Variants in GAD2 observed in about 807,000 individuals in gnomAD.
GAD2 encodes the protein 65 kDa glutamic acid decarboxylase.
In GAD2, 22 loss-of-function variants were observed where a neutral mutation model predicts 80.1. The observed-to-expected ratio is 0.27, with a 90% CI of 0.20 to 0.39. The LOEUF is 0.39. GAD2 is among the 10% of genes least tolerant of loss of function. The probability of loss-of-function intolerance (pLI) is 1.00; values close to 1 mark genes in which losing one functional copy is unlikely to be tolerated. For synonymous variants in GAD2, 274 were observed against 256.9 expected, an observed-to-expected ratio of 1.07 and a Z score of -0.64; for missense variants, 624 against 738.4, an observed-to-expected ratio of 0.85 and a Z score of 1.80.
At chr10:26,267,072 A>G (rs1215612792) in intron 8 of GAD2, among the ~76,000 whole-genome samples, 1 of 152,208 alleles carries the variant, frequency 6.6e-6, no homozygotes, top group African/African-American at 2.4e-5. Flanking sequence ...GTGCCATCTT[A>G]CTGCCTTATA....
rs577819111 is a variant in GAD2 at position 26,288,227 on chromosome 10, A to G, written c.1386+1733A>G. ...AAAGATGGTCTTGCTTAAAGAAGAA[A>G]TAACTCTTTAGTGGTTTCCAAGGAT... On this transcript the variant is annotated intron_variant, in intron 13 of 15. Transcript: ENST00000376261. Among the ~76,000 whole-genome samples, 24 of 152,346 alleles carry G rather than the reference A, an allele frequency of 1.6e-4. No homozygotes were observed. The South Asian group carries it at 5.0e-3, about 32-fold the overall frequency.
intron 8 of GAD2, among the ~76,000 whole-genome samples, chr10:26,251,697 TG>T: frequency 6.6e-6 from 1 of 152,382 alleles, no homozygotes. Flanking sequence ...TTTAAGGAAA[TG>T]GATGCATCAG....
At chr10:26,227,378 G>A (rs557351484) in intron 6 of GAD2, among the ~76,000 whole-genome samples, 1 of 152,378 alleles carries the variant, frequency 6.6e-6, no homozygotes, top group African/African-American at 2.4e-5. Flanking sequence ...AGGCCCAGAA[G>A]CCTCTTTCTC....
chr10:26,229,797 G>T lies in GAD2; in HGVS notation c.840+20G>T, dbSNP rs1190520491. ...GAACATGTATGTGTTTCTTTTCCTT[G>T]CAAGTTTAAGGTTATGTTCCATAAA... On this transcript the variant is annotated intron_variant, in intron 7 of 15. Coordinates refer to ENST00000376261, the MANE Select transcript of GAD2 (RefSeq NM_001134366.2). 1 of 1,562,726 alleles carries T rather than the reference G, an allele frequency of 6.4e-7. No homozygotes were observed. The highest frequency in any genetic ancestry group is 1.1e-5 in the South Asian group (1 of 89,370).
At chr10:26,245,540 C>T (rs1439217795) in intron 7 of GAD2, among the ~76,000 whole-genome samples, 1 of 151,722 alleles carries the variant, frequency 6.6e-6, no homozygotes, top group Non-Finnish European at 1.5e-5. Flanking sequence ...CGAATTCAAG[C>T]GATTCTCCTG....
chr10:26,245,837 A>C (rs1844802204), intron 7 of GAD2, 84 bp from the exon 8 acceptor site: 1 of 1,094,154 alleles, frequency 9.1e-7, no homozygotes, highest in South Asian at 1.4e-5. Flanking sequence ...GAAAGGAAAA[A>C]AGGAAAACAG....
chr10:26,262,762 C>A (rs561030567), intron 8 of GAD2, among the ~76,000 whole-genome samples: 1 of 151,790 alleles, frequency 6.6e-6, no homozygotes, highest in South Asian at 2.1e-4. Context: ...TAACTGCCAT[C>A]TTGATTTCCT....
At chr10:26,227,212 T>G (rs1439500953) in intron 6 of GAD2, among the ~76,000 whole-genome samples, 4 of 152,172 alleles carry the variant, frequency 2.6e-5, no homozygotes, top group Non-Finnish European at 5.9e-5. Context: ...AGGCTGGTCT[T>G]GAATTCCTGA....
intron 7 of GAD2, among the ~76,000 whole-genome samples, chr10:26,232,313 C>G (rs1444876743): frequency 6.6e-6 from 1 of 152,112 alleles, no homozygotes; most frequent in Non-Finnish European, 1.5e-5. Flanking sequence ...GCAAGCCACT[C>G]TGTGCTCTCT....
intron 15 of GAD2, among the ~76,000 whole-genome samples, chr10:26,299,753 A>G (rs537746226): frequency 3.9e-5 from 6 of 152,370 alleles, no homozygotes; most frequent in African/African-American, 1.4e-4. Context: ...TCTATGGGGA[A>G]GGATCATGGA....
At chr10:26,285,642 T>A (rs1346264980) in intron 12 of GAD2, among the ~76,000 whole-genome samples, 10 of 152,254 alleles carry the variant, frequency 6.6e-5, no homozygotes, top group Admixed American at 6.5e-4. Context: ...GATGAAACTT[T>A]CCACTTATCT....
chr10:26,258,999 G>T (rs112439082), intron 8 of GAD2, among the ~76,000 whole-genome samples: 7 of 152,138 alleles, frequency 4.6e-5, no homozygotes, highest in South Asian at 2.1e-4. Flanking sequence ...TGTATTTTTA[G>T]TAGAGACAGG....
chr10:26,267,949 T>G (rs1845091173), intron 8 of GAD2, among the ~76,000 whole-genome samples: 1 of 152,202 alleles, frequency 6.6e-6, no homozygotes, highest in Non-Finnish European at 1.5e-5. Context: ...TTGCTGTATG[T>G]CTAGACTCAC....
rs150480256 is a variant in GAD2, at chr10:26,254,884, G to A, written c.920+8884G>A. Among the ~76,000 whole-genome samples, 236 of 152,364 alleles carry A rather than the reference G, an allele frequency of 1.5e-3. 1 individual carries two copies. The highest frequency in any genetic ancestry group is 5.6e-3 in the African/African-American group (231 of 41,586). On this transcript the variant is annotated intron_variant, in intron 8 of 15. Coordinates refer to ENST00000376261, the MANE Select transcript of GAD2 (RefSeq NM_001134366.2). ...ATTGGTGTGCAGGTTGAGACAGGAG[G>A]CAAGGATGAATGCCAGGCTTCTGGC...
intron 8 of GAD2, among the ~76,000 whole-genome samples, chr10:26,258,046 A>C (rs1844964616): frequency 6.6e-6 from 1 of 152,210 alleles, no homozygotes. Flanking sequence ...TGTGTACTTC[A>C]TTCTGCCCTA....
Position 26,301,564 on chromosome 10 carries a change from A to G in GAD2, c.*603A>G, listed in dbSNP as rs1480137521. 4 of 151,032 alleles carry G rather than the reference A, an allele frequency of 2.6e-5. No homozygotes were observed. Among genetic ancestry groups the G allele is most frequent in the Admixed American group, 6.6e-5 (1 of 15,144 alleles). 9.4% of individuals were successfully genotyped at this position (151,032 alleles called of 1,614,324 possible). A position where few individuals can be genotyped will look rare whatever the true frequency, so the allele number is the denominator to read the frequency against. ...CGGGGGCAGATATAAAATCTAAGCCAGATTTTTTTTTCCTTTCTCTTAATG... is the reference window on the plus strand; with the variant it reads ...CGGGGGCAGATATAAAATCTAAGCCGGATTTTTTTTTCCTTTCTCTTAATG... On this transcript the variant is annotated 3_prime_UTR_variant, in exon 16 of 16. Coordinates refer to ENST00000376261, the MANE Select transcript of GAD2 (RefSeq NM_001134366.2).
chr10:26,238,779 G>GC (rs1173770968), intron 7 of GAD2, among the ~76,000 whole-genome samples: 1 of 152,116 alleles, frequency 6.6e-6, no homozygotes, highest in Admixed American at 6.5e-5. Flanking sequence ...CAATGCTTTA[G>GC]CAAGAGAATG....
intron 7 of GAD2, among the ~76,000 whole-genome samples, chr10:26,235,684 G>A (rs73594334): frequency 0.06 from 9,136 of 152,112 alleles, 892 homozygotes; most frequent in African/African-American, 0.2. Flanking sequence ...ATCTCATCCC[G>A]TTCCCCAAAT....
intron 11 of GAD2, among the ~76,000 whole-genome samples, chr10:26,278,009 T>TA (rs1253956103): frequency 6.6e-6 from 1 of 152,000 alleles, no homozygotes; most frequent in African/African-American, 2.4e-5. Context: ...TTTAAATAAA[T>TA]TGCCAACATT....
Sources: gnomAD v4.1 joint callset for allele counts (sites outside exome capture counted in the v4.1 genomes callset) on GRCh38, gnomAD v4.1.1 for gene constraint, MANE v1.5 for transcripts, NCBI Gene and HGNC (gene_info 2026-07-23, HGNC 2026-07-21) for gene names.